SLC4A10: variants seen among roughly 807,000 people sequenced by gnomAD.
SLC4A10 encodes the protein solute carrier family 4 member 10.
A neutral mutation model predicts 137.7 loss-of-function variants in SLC4A10; 42 were observed. That is an observed-to-expected ratio of 0.30 (90% CI 0.24 to 0.39). The LOEUF is 0.39. SLC4A10 is among the 10% of genes least tolerant of loss of function. The pLI, the probability that SLC4A10 is intolerant of heterozygous loss-of-function variation, is 1.00. For synonymous variants in SLC4A10, 474 were observed against 464.1 expected (o/e 1.02, Z -0.27); for missense variants, 925 against 1,355.0 (o/e 0.68, Z 4.98).
chr2:161,650,500 C>T (rs1304502473), intron 1 of SLC4A10, among the ~76,000 whole-genome samples: 3 of 151,650 alleles, frequency 2.0e-5, no homozygotes, highest in African/African-American at 7.3e-5. Context: ...GTTTACTGGA[C>T]AGGGGAGCCC....
At chr2:161,702,549 G>A (rs2043235990) in intron 1 of SLC4A10, among the ~76,000 whole-genome samples, 1 of 151,748 alleles carries the variant, frequency 6.6e-6, no homozygotes. Flanking sequence ...GTTATTCCTT[G>A]GCTGAAGGTA....
At chr2:161,980,570 A>G (rs1341219442) in intron 26 of SLC4A10, among the ~76,000 whole-genome samples, 2 of 152,076 alleles carry the variant, frequency 1.3e-5, no homozygotes, top group Non-Finnish European at 2.9e-5. Flanking sequence ...AATCCCTTCA[A>G]CCTGCGACGT....
At chr2:161,933,205 T>TTCTTTCTTTCTC (rs1196543020) in intron 15 of SLC4A10, among the ~76,000 whole-genome samples, 2 of 136,146 alleles carry the variant, frequency 1.5e-5, no homozygotes, top group Non-Finnish European at 3.2e-5. Flanking sequence ...CTTTCTTTCT[T>TTCTTTCTTTCTC]TCTTTCTTTC....
chr2:161,981,304 A>G (rs1700188203), intron 26 of SLC4A10, among the ~76,000 whole-genome samples: 1 of 152,254 alleles, frequency 6.6e-6, no homozygotes, highest in African/African-American at 2.4e-5. Flanking sequence ...CTGTCCTACA[A>G]TCTCCTACAT....
At chr2:161,951,696 A>G (rs1389551569) in intron 19 of SLC4A10, among the ~76,000 whole-genome samples, 2 of 152,138 alleles carry the variant, frequency 1.3e-5, no homozygotes, top group East Asian at 3.8e-4. Flanking sequence ...AACAGAAATC[A>G]TGCTTTATAG....
At chr2:161,927,019 A>T (rs2105569119) in intron 15 of SLC4A10, among the ~76,000 whole-genome samples, 1 of 152,170 alleles carries the variant, frequency 6.6e-6, no homozygotes, top group South Asian at 2.1e-4. Context: ...ACTTTGGTGA[A>T]TCTGAAAATT....
At chr2:161,687,289 CA>C (rs1413728442) in intron 1 of SLC4A10, among the ~76,000 whole-genome samples, 2 of 152,150 alleles carry the variant, frequency 1.3e-5, no homozygotes, top group Non-Finnish European at 2.9e-5. Flanking sequence ...ATTGGAGGGA[CA>C]TATATTAAAA....
At chr2:161,719,188 A>C in intron 1 of SLC4A10, among the ~76,000 whole-genome samples, 1 of 152,068 alleles carries the variant, frequency 6.6e-6, no homozygotes. Flanking sequence ...GTTGCTGAGA[A>C]TGATGGTTTC....
intron 1 of SLC4A10, among the ~76,000 whole-genome samples, chr2:161,752,543 A>T (rs936435542): frequency 2.6e-5 from 4 of 152,106 alleles, no homozygotes; most frequent in Non-Finnish European, 5.9e-5. Context: ...AGAGATATAA[A>T]ATATAATTCT....
chr2:161,640,213 A>G (rs1487954025), intron 1 of SLC4A10, among the ~76,000 whole-genome samples: 1 of 152,110 alleles, frequency 6.6e-6, no homozygotes, highest in Non-Finnish European at 1.5e-5. Flanking sequence ...ATCTGTGGAC[A>G]TTGAGAACTC....
chr2:161,698,635 C>A (rs974540221), intron 1 of SLC4A10, among the ~76,000 whole-genome samples: 10 of 152,262 alleles, frequency 6.6e-5, no homozygotes, highest in Middle Eastern at 3.4e-3. Context: ...ATTGAACCAG[C>A]CTTGCCTCCC....
At chr2:161,964,495 TTAG>T (rs1265229475) in intron 22 of SLC4A10, among the ~76,000 whole-genome samples, 187 bp downstream of exon 22, 1 of 152,184 alleles carries the variant, frequency 6.6e-6, no homozygotes, top group African/African-American at 2.4e-5. Context: ...GTGATTCCTA[TTAG>T]TTTTGTCTCT....
intron 15 of SLC4A10, among the ~76,000 whole-genome samples, chr2:161,939,510 A>G (rs1352912477): frequency 6.6e-6 from 1 of 152,016 alleles, no homozygotes; most frequent in Non-Finnish European, 1.5e-5. Flanking sequence ...CACAATTAAC[A>G]TATGTAGATT....
At chr2:161,682,853 A>G (rs2041012094) in intron 1 of SLC4A10, among the ~76,000 whole-genome samples, 1 of 152,142 alleles carries the variant, frequency 6.6e-6, no homozygotes, top group Admixed American at 6.6e-5. Context: ...GGCTCCCCAT[A>G]GTACAAAAGT....
At chr2:161,867,360 T>C (rs2060824786) in intron 6 of SLC4A10, among the ~76,000 whole-genome samples, 1 of 152,004 alleles carries the variant, frequency 6.6e-6, no homozygotes, top group South Asian at 2.1e-4. Context: ...TTAAAATTTA[T>C]CCCTCATAAT....
At chr2:161,827,107 A>G (rs552091828) in intron 3 of SLC4A10, among the ~76,000 whole-genome samples, 2 of 152,284 alleles carry the variant, frequency 1.3e-5, no homozygotes, top group East Asian at 1.9e-4. Flanking sequence ...CCTTTTACAT[A>G]TTTATTCCTT....
intron 1 of SLC4A10, among the ~76,000 whole-genome samples, chr2:161,723,917 G>A (rs554626320): frequency 6.6e-6 from 1 of 152,252 alleles, no homozygotes; most frequent in East Asian, 1.9e-4. Context: ...TTGCATCCTG[G>A]TAGACATCTC....
At chr2:161,856,358 A>AACACACACACACACACACAC (rs55983659) in intron 5 of SLC4A10, among the ~76,000 whole-genome samples, 5 of 141,838 alleles carry the variant, frequency 3.5e-5, no homozygotes, top group African/African-American at 1.3e-4. Flanking sequence ...AAAATACTAA[A>AACACACACACACACACACAC]ACACACACAC....
At chr2:161,738,392 C>T (rs553158743) in intron 1 of SLC4A10, among the ~76,000 whole-genome samples, 1 of 152,258 alleles carries the variant, frequency 6.6e-6, no homozygotes, top group East Asian at 1.9e-4. Flanking sequence ...CCAGCACTGT[C>T]TCATGGTTGG....
Sources: gnomAD v4.1 joint callset for allele counts (sites outside exome capture counted in the v4.1 genomes callset) on GRCh38, gnomAD v4.1.1 for gene constraint, MANE v1.5 for transcripts, NCBI Gene and HGNC (gene_info 2026-07-23, HGNC 2026-07-21) for gene names.